The following SMIM14 variants were observed in gnomAD, a reference collection of about 807,000 sequenced individuals.
The protein encoded by SMIM14 is chromosome 4 open reading frame 34.
A neutral mutation model predicts 12.6 loss-of-function variants in SMIM14; 5 were observed. The observed-to-expected ratio is 0.40, with a 90% confidence interval of 0.21 to 0.83. SMIM14 has a LOEUF of 0.83. Among genes scored for constraint, SMIM14 ranks in the 40% least tolerant of loss-of-function variants. The probability of loss-of-function intolerance (pLI) is 0.37; values close to 1 mark genes in which losing one functional copy is unlikely to be tolerated. For missense variants in SMIM14, 86 were observed against 119.1 expected (o/e 0.72, Z 1.29); for synonymous variants, 30 against 40.1 (o/e 0.75, Z 0.95).
At position 39,556,100 on chromosome 4, in the gene SMIM14, C is replaced by A. The variant is rs527747756; in HGVS notation, c.267+328G>T. 7.9e-5 allele frequency among the ~76,000 whole-genome samples: 12 copies of A among 150,992 alleles called. No individual in the cohort carries two copies. In the East Asian group the frequency reaches 2.3e-3, roughly 29 times the overall value. On this transcript the variant is annotated intron_variant, in intron 4 of 4. Coordinates refer to ENST00000295958, the MANE Select transcript of SMIM14 (RefSeq NM_174921.3). Reference sequence around the variant, plus strand: ...GAGGTGGGAGCCTAGGAGGTGGAGGCTTCAGTGAGCTAAGATCGCACCAGT... The same window carrying A: ...GAGGTGGGAGCCTAGGAGGTGGAGGATTCAGTGAGCTAAGATCGCACCAGT...
intron 2 of SMIM14, among the ~76,000 whole-genome samples, chr4:39,582,537 G>A (rs909493983): frequency 6.6e-6 from 1 of 151,796 alleles, no homozygotes; most frequent in Admixed American, 6.6e-5. Flanking sequence ...GGTGGTGCAC[G>A]GCTGTAATCC....
intron 3 of SMIM14, among the ~76,000 whole-genome samples, chr4:39,569,899 C>A (rs1033560834): frequency 3.9e-5 from 6 of 152,174 alleles, no homozygotes; most frequent in Non-Finnish European, 8.8e-5. Context: ...AGTCCAGAGA[C>A]AGCACCAGAG....
At chr4:39,627,899 T>C (rs1213102233) in intron 1 of SMIM14, among the ~76,000 whole-genome samples, 1 of 152,238 alleles carries the variant, frequency 6.6e-6, no homozygotes, top group African/African-American at 2.4e-5. Flanking sequence ...ATCATCTTTG[T>C]TTGTATTCAA....
At chr4:39,607,133 C>G (rs1011689924) in intron 1 of SMIM14, among the ~76,000 whole-genome samples, 2 of 152,122 alleles carry the variant, frequency 1.3e-5, no homozygotes, top group African/African-American at 4.8e-5. Flanking sequence ...GAGAACCCAT[C>G]TCTGAAAAAA....
At chr4:39,559,116 C>T (rs1295978867) in intron 3 of SMIM14, among the ~76,000 whole-genome samples, 1 of 152,230 alleles carries the variant, frequency 6.6e-6, no homozygotes, top group African/African-American at 2.4e-5. Flanking sequence ...TTCGCTCCAA[C>T]TTCACCCTTG....
At chr4:39,566,956 A>G (rs769217356) in intron 3 of SMIM14, among the ~76,000 whole-genome samples, 1 of 150,944 alleles carries the variant, frequency 6.6e-6, no homozygotes, top group African/African-American at 2.4e-5. Context: ...ACAGTGTGAG[A>G]CTCCATCTCA....
intron 2 of SMIM14, among the ~76,000 whole-genome samples, chr4:39,602,524 GGCAGACGTT>G (rs1340481566): frequency 6.6e-6 from 1 of 152,124 alleles, no homozygotes; most frequent in African/African-American, 2.4e-5. Context: ...GAATCCAGGA[GGCAGACGTT>G]GCAGTGAGCC....
chr4:39,623,581 C>T lies in SMIM14; in HGVS notation c.-36+15158G>A, dbSNP rs575301255. On this transcript the variant is annotated intron_variant, in intron 1 of 4. Transcript: ENST00000295958. Reference sequence around the variant, plus strand: ...AATTCTTTCCATGTTAAAAATAGGCCGGGCGCGGTGGCTCATGCCTGTAAT... The same window carrying T: ...AATTCTTTCCATGTTAAAAATAGGCTGGGCGCGGTGGCTCATGCCTGTAAT... Among the ~76,000 whole-genome samples, 9 of 152,196 alleles carry T rather than the reference C, an allele frequency of 5.9e-5. No homozygotes were observed. In the South Asian group the frequency reaches 1.7e-3, roughly 28 times the overall value.
chr4:39,606,337 T>C (rs1292231862), intron 1 of SMIM14, among the ~76,000 whole-genome samples: 2 of 143,934 alleles, frequency 1.4e-5, no homozygotes, highest in Non-Finnish European at 3.0e-5. Context: ...CACAGTGAGT[T>C]CATGTTTAAA....
At chr4:39,591,704 C>T (rs980797237) in intron 2 of SMIM14, among the ~76,000 whole-genome samples, 8 of 151,866 alleles carry the variant, frequency 5.3e-5, no homozygotes, top group African/African-American at 1.9e-4. Flanking sequence ...TACAGGCACC[C>T]ACCACCAGGC....
At position 39,571,605 on chromosome 4, in the gene SMIM14, G is replaced by GA. The variant is rs199800925; in HGVS notation, c.124+809dup. 2.1e-4 allele frequency among the ~76,000 whole-genome samples: 32 copies of GA among 150,138 alleles called. No individual in the cohort carries two copies. In the East Asian group the frequency reaches 5.1e-3, roughly 24 times the overall value. On this transcript the variant is annotated intron_variant, in intron 3 of 4. Transcript: ENST00000295958. ...TAAAAAAAAATTTTTTTAAATTAAAGAAAAAAAAAGAATTCTCAAGCCTGC... is the reference window on the plus strand; with the variant it reads ...TAAAAAAAAATTTTTTTAAATTAAAGAAAAAAAAAAGAATTCTCAAGCCTGC...
intron 1 of SMIM14, among the ~76,000 whole-genome samples, chr4:39,628,205 G>C (rs1715770669): frequency 6.6e-6 from 1 of 151,604 alleles, no homozygotes; most frequent in South Asian, 2.1e-4. Context: ...TACTCTGGAG[G>C]CTGAGGCAGG....
intron 2 of SMIM14, among the ~76,000 whole-genome samples, chr4:39,584,352 TG>T (rs1329349629): frequency 6.6e-6 from 1 of 150,728 alleles, no homozygotes; most frequent in African/African-American, 2.4e-5. Flanking sequence ...CATGCTGGTG[TG>T]CACCTATAAT....
chr4:39,621,661 T>G (rs1345899947), intron 1 of SMIM14, among the ~76,000 whole-genome samples: 1 of 150,746 alleles, frequency 6.6e-6, no homozygotes, highest in African/African-American at 2.4e-5. Flanking sequence ...ATATACACTG[T>G]AAAGTATTAT....
At chr4:39,629,445 AATG>A (rs557502291) in intron 1 of SMIM14, among the ~76,000 whole-genome samples, 1,801 of 120,242 alleles carry the variant, frequency 0.015, 18 homozygotes, top group Non-Finnish European at 0.025. Context: ...GTAACTTATA[AATG>A]ATTTTTTTTT....
At chr4:39,553,917 T>C (rs1331227879) in intron 4 of SMIM14, among the ~76,000 whole-genome samples, 1 of 152,210 alleles carries the variant, frequency 6.6e-6, no homozygotes, top group Non-Finnish European at 1.5e-5. Context: ...TTCTTAAAGT[T>C]AGCATGCTAC....
intron 2 of SMIM14, among the ~76,000 whole-genome samples, chr4:39,579,304 G>A (rs753171832): frequency 1.3e-5 from 2 of 151,398 alleles, no homozygotes; most frequent in African/African-American, 2.4e-5. Flanking sequence ...CAGCTACTCA[G>A]GAGGCTGAGG....
chr4:39,577,600 G>A (rs531696949), intron 2 of SMIM14, among the ~76,000 whole-genome samples: 96 of 152,014 alleles, frequency 6.3e-4, no homozygotes, highest in African/African-American at 2.2e-3. Flanking sequence ...GCTAATTTTT[G>A]TATTTTTAGG....
chr4:39,605,529 A>C (rs1714771724), intron 1 of SMIM14, among the ~76,000 whole-genome samples: 2 of 152,082 alleles, frequency 1.3e-5, no homozygotes, highest in African/African-American at 4.8e-5. Context: ...CTTTACCCTC[A>C]CCAAGAAAGA....
Sources: gnomAD v4.1 joint callset for allele counts (sites outside exome capture counted in the v4.1 genomes callset) on GRCh38, gnomAD v4.1.1 for gene constraint, MANE v1.5 for transcripts, NCBI Gene and HGNC (gene_info 2026-07-23, HGNC 2026-07-21) for gene names.